Variants in SPECC1 observed in about 807,000 individuals in gnomAD.
SPECC1 encodes sperm antigen with calponin homology and coiled-coil domains 1.
SPECC1 carries 62 observed loss-of-function variants against 104.1 expected under a neutral mutation model. The observed-to-expected ratio is 0.60, with a 90% CI of 0.49 to 0.74. SPECC1 has a LOEUF of 0.74. Among genes scored for constraint, SPECC1 ranks in the 30% least tolerant of loss-of-function variants. SPECC1 has a pLI of 0.00. For missense variants in SPECC1, 1,306 were observed against 1,310.5 expected (o/e 1.00, Z 0.05); for synonymous variants, 513 against 501.6 (o/e 1.02, Z -0.30).
chr17:20,039,045 T>C (rs1232879171), intron 1 of SPECC1, among the ~76,000 whole-genome samples: 1 of 152,218 alleles, frequency 6.6e-6, no homozygotes, highest in African/African-American at 2.4e-5. Context: ...CAATCAATTT[T>C]GGAACATTTT....
chr17:20,023,470 G>A (rs1468080568), intron 1 of SPECC1, among the ~76,000 whole-genome samples: 42 of 152,114 alleles, frequency 2.8e-4, no homozygotes, highest in Admixed American at 2.8e-3. Flanking sequence ...GAGGGAGCAG[G>A]CAATTACTAA....
chr17:20,253,617 C>T (rs1331850985), intron 10 of SPECC1, 31 bp downstream of exon 10: 1 of 1,600,894 alleles, frequency 6.2e-7, no homozygotes, highest in Non-Finnish European at 8.5e-7. Flanking sequence ...GAACTTTTGA[C>T]TTATCTTTCC....
intron 8 of SPECC1, among the ~76,000 whole-genome samples, chr17:20,247,013 A>G (rs2039449934): frequency 6.6e-6 from 1 of 152,176 alleles, no homozygotes; most frequent in Non-Finnish European, 1.5e-5. Flanking sequence ...TCCTTCATCT[A>G]AGACTGACCT....
At chr17:20,274,507 CTTTT>C (rs1162367833) in intron 12 of SPECC1, among the ~76,000 whole-genome samples, 3 of 131,452 alleles carry the variant, frequency 2.3e-5, no homozygotes, top group Non-Finnish European at 4.9e-5. Flanking sequence ...TTTCTTTTTT[CTTTT>C]TTTTTTTTTT....
chr17:20,186,133 C>T (rs1237590563), intron 3 of SPECC1, among the ~76,000 whole-genome samples: 1 of 152,196 alleles, frequency 6.6e-6, no homozygotes, highest in Admixed American at 6.5e-5. Flanking sequence ...CCACTGCACC[C>T]AGCTTGTGTT....
intron 1 of SPECC1, among the ~76,000 whole-genome samples, chr17:20,054,545 G>T (rs940509565): frequency 6.6e-6 from 1 of 152,160 alleles, no homozygotes; most frequent in Non-Finnish European, 1.5e-5. Context: ...CACTGTCATT[G>T]TTTGTCTCTC....
At chr17:20,073,089 A>C (rs925728811) in intron 1 of SPECC1, among the ~76,000 whole-genome samples, 1 of 152,134 alleles carries the variant, frequency 6.6e-6, no homozygotes, top group Non-Finnish European at 1.5e-5. Context: ...AACGAAAAAA[A>C]ATTGCAACAA....
At chr17:20,298,720 G>A (rs747385115) in intron 13 of SPECC1, among the ~76,000 whole-genome samples, 4 of 152,028 alleles carry the variant, frequency 2.6e-5, no homozygotes, top group Non-Finnish European at 4.4e-5. Context: ...AGAGGAAGGA[G>A]TCAAAGATGA....
chr17:20,023,812 A>AC (rs541243230), intron 1 of SPECC1, among the ~76,000 whole-genome samples: 5 of 152,106 alleles, frequency 3.3e-5, no homozygotes, highest in Admixed American at 1.3e-4. Flanking sequence ...CAGAAAATAA[A>AC]AAAAAAAAAC....
At chr17:20,247,523 C>A (rs936879987) in intron 9 of SPECC1, among the ~76,000 whole-genome samples, 1 of 152,106 alleles carries the variant, frequency 6.6e-6, no homozygotes, top group African/African-American at 2.4e-5. Context: ...TATTTTTGTT[C>A]ATTTTGCTTG....
chr17:20,133,446 T>TA (rs1261987067), intron 3 of SPECC1, among the ~76,000 whole-genome samples: 4 of 151,170 alleles, frequency 2.6e-5, no homozygotes, highest in Admixed American at 6.6e-5. Flanking sequence ...TCATGGCAGT[T>TA]AAAAAAAAAG....
chr17:20,124,871 TG>T (rs1162589652), intron 3 of SPECC1, among the ~76,000 whole-genome samples: 2 of 152,158 alleles, frequency 1.3e-5, no homozygotes, highest in African/African-American at 4.8e-5. Flanking sequence ...AAAAAGTAAT[TG>T]TGATTTTTGC....
rs1056752866 is a variant in SPECC1 at position 20,051,405 on chromosome 17, C to T, written c.-22+41981C>T. Among the ~76,000 whole-genome samples the T allele has an allele frequency of 4.6e-5, 7 of 152,044 alleles. No homozygotes were observed. In the South Asian group the frequency reaches 6.2e-4, roughly 14 times the overall value. ...GGCCAGGCTGGTCTTGAACTCTTGA[C>T]CTCAAGTGATCTGCCTGCCTCGGCC... On this transcript the variant is annotated intron_variant, in intron 1 of 14. Transcript: ENST00000395527.
chr17:20,171,693 G>A (rs2034105644), intron 3 of SPECC1, among the ~76,000 whole-genome samples: 1 of 152,076 alleles, frequency 6.6e-6, no homozygotes, highest in Non-Finnish European at 1.5e-5. Flanking sequence ...GACCACAGAC[G>A]TGTGCCACCT....
At chr17:20,249,403 G>A (rs914497915) in intron 9 of SPECC1, among the ~76,000 whole-genome samples, 4 of 152,108 alleles carry the variant, frequency 2.6e-5, no homozygotes, top group Non-Finnish European at 5.9e-5. Flanking sequence ...GGGCAACAGA[G>A]CAAGACTCCA....
At chr17:20,298,948 A>AGTGTGTGTGTGTGTGTGTGTGT (rs1555535565) in intron 13 of SPECC1, among the ~76,000 whole-genome samples, 1 of 49,072 alleles carries the variant, frequency 2.0e-5, no homozygotes. Context: ...AGAGAGAGAG[A>AGTGTGTGTGTGTGTGTGTGTGT]GTGTGTGTGT....
intron 13 of SPECC1, among the ~76,000 whole-genome samples, chr17:20,298,198 A>G (rs2041419145): frequency 6.6e-6 from 1 of 152,194 alleles, no homozygotes; most frequent in African/African-American, 2.4e-5. Context: ...CTAAAAATAC[A>G]AAAATTAGCT....
chr17:20,123,124 C>T (rs917481440), intron 3 of SPECC1, among the ~76,000 whole-genome samples: 11 of 152,084 alleles, frequency 7.2e-5, no homozygotes, highest in African/African-American at 1.7e-4. Flanking sequence ...GAGGAGTGAA[C>T]GTGGATCTCT....
chr17:20,103,408 G>A (rs1474345387), intron 2 of SPECC1, among the ~76,000 whole-genome samples: 1 of 152,166 alleles, frequency 6.6e-6, no homozygotes, highest in Non-Finnish European at 1.5e-5. Flanking sequence ...ACTCTGATCG[G>A]CAGGGCCTCC....
Sources: gnomAD v4.1 joint callset for allele counts (sites outside exome capture counted in the v4.1 genomes callset) on GRCh38, gnomAD v4.1.1 for gene constraint, MANE v1.5 for transcripts, NCBI Gene and HGNC (gene_info 2026-07-23, HGNC 2026-07-21) for gene names.